Variants in ITGAL observed in about 807,000 individuals in gnomAD.
ITGAL encodes the protein integrin alpha-L.
ITGAL carries 68 observed loss-of-function variants against 138.4 expected under a neutral mutation model. The observed-to-expected ratio is 0.49, with a 90% confidence interval of 0.40 to 0.60. The LOEUF (loss-of-function observed/expected upper bound fraction) is 0.60. Ranked by LOEUF, ITGAL falls within the 20% of genes least tolerant of loss-of-function variation. The pLI is 0.00. For missense variants in ITGAL, 1,256 were observed against 1,478.6 expected (o/e 0.85, Z 2.47); for synonymous variants, 561 against 584.3 (o/e 0.96, Z 0.57).
At chr16:30,517,204 C>T (rs1157078516) in intron 26 of ITGAL, 118 bp downstream of exon 26, 2 of 686,290 alleles carry the variant, frequency 2.9e-6, no homozygotes, top group African/African-American at 3.6e-5. Context: ...CAAATCCCAG[C>T]ACTTTGGGAG....
chr16:30,513,749 C>T (rs751268333), intron 24 of ITGAL, 22 bp from the exon 25 acceptor site: 22 of 1,599,564 alleles, frequency 1.4e-5, no homozygotes, highest in Non-Finnish European at 1.9e-5. Context: ...GTTCTTCCAT[C>T]GCTGCCCTTC....
chr16:30,494,821 G>C lies in ITGAL; in HGVS notation c.1474G>C (p.Gly492Arg). 6.2e-7 allele frequency: 1 copy of C among 1,606,712 alleles called. No homozygotes were observed. The highest frequency in any genetic ancestry group is 8.5e-7 in the Non-Finnish European group (1 of 1,174,752). The change falls in exon 13 of 31, where the codon GGC becomes CGC. Residue 492 changes from glycine to arginine, a missense_variant. Around this residue, in one of 3 missense-constraint regions of ITGAL, gnomAD observed 867 missense variants for 972.5 expected, o/e 0.89. Transcript: ENST00000356798. This position sits in a 1 kb window ranked among gnomAD's most constrained non-coding sequence, Gnocchi z 4.2. Reference sequence around the variant, plus strand: ...ACTGTTCTATGGGGAGCAGAGAGGAGGCCGGGTGTTTATCTACCAGAGAAG... The same window carrying C: ...ACTGTTCTATGGGGAGCAGAGAGGACGCCGGGTGTTTATCTACCAGAGAAG... ...APLFYGEQRGGRVFIYQRRQL... is the reference protein window; with the variant it reads ...APLFYGEQRGRRVFIYQRRQL...
In ITGAL at chr16:30,484,255, T is replaced by C; in HGVS notation, c.998T>C (p.Val333Ala). The change falls in exon 9 of 31, where the codon GTC (valine) becomes GCC (alanine). Residue 333 changes from valine to alanine, a missense_variant. This residue lies in a region of ITGAL where 177 missense variants were observed against 288.8 expected (regional missense o/e 0.61). Transcript: ENST00000356798. ...ACTGAGCTGCAGAAGAAGATCTATG[T>C]CATTGAGGGTGAGTGGCAGGCCCTG... is the stretch of plus-strand genomic sequence containing the variant. ...LFTELQKKIY[V>A]IEGTSKQDLT... 1 of 1,612,818 alleles carries C rather than the reference T, an allele frequency of 6.2e-7. No homozygotes were observed. Among genetic ancestry groups the C allele is most frequent in the South Asian group, 1.1e-5 (1 of 91,050 alleles).
At chr16:30,503,436 AT>A (rs1436632913) in intron 17 of ITGAL, among the ~76,000 whole-genome samples, 1 of 109,816 alleles carries the variant, frequency 9.1e-6, no homozygotes, top group Non-Finnish European at 1.8e-5. Flanking sequence ...TTTAGTTTTC[AT>A]TTTCTTTTTT....
chr16:30,499,574 A>C lies in ITGAL; in HGVS notation c.2145+85A>C. 3 of 1,329,766 alleles carry C rather than the reference A, an allele frequency of 2.3e-6. No homozygotes were observed. In the South Asian group the frequency reaches 3.8e-5, roughly 17 times the overall value. 82.4% of individuals were successfully genotyped at this position (1,329,766 alleles called of 1,614,324 possible). A position where few individuals can be genotyped will look rare whatever the true frequency, so the allele number is the denominator to read the frequency against. ...GTCACTGTCCAGTGGGTGACACGTC[A>C]CTTCCATCCCTCTGTGCTGTCACTT... On this transcript the variant is annotated intron_variant, in intron 17 of 30. Coordinates refer to ENST00000356798, the MANE Select transcript of ITGAL (RefSeq NM_002209.3).
intron 11 of ITGAL, among the ~76,000 whole-genome samples, chr16:30,492,345 G>C (rs900646656): frequency 1.3e-5 from 2 of 151,392 alleles, no homozygotes; most frequent in African/African-American, 4.9e-5. Context: ...CCACCTCCCA[G>C]GTTCAACTGA....
At position 30,519,840 on chromosome 16, in the gene ITGAL, C is replaced by T. The variant is rs1328693460; in HGVS notation, c.3229-17C>T. 6.4e-7 allele frequency: 1 copy of T among 1,572,068 alleles called. No individual in the cohort carries two copies. The highest frequency in any genetic ancestry group is 1.7e-5 in the Admixed American group (1 of 59,954). On this transcript the variant is annotated splice_polypyrimidine_tract_variant and intron_variant, in intron 29 of 30. Transcript: ENST00000356798. ...TGGAAAAGGCATTTTCCGGCACTCC[C>T]CTCCCCCTGCTCCCAGGTTGTCATG...
chr16:30,491,265 GTGGCA>G (rs1361947873), intron 11 of ITGAL, among the ~76,000 whole-genome samples: 1 of 151,678 alleles, frequency 6.6e-6, no homozygotes, highest in Admixed American at 6.6e-5. Flanking sequence ...GCCAGGCATG[GTGGCA>G]TGCACCTGTA....
At chr16:30,495,293 C>T (rs1270142265) in intron 13 of ITGAL, among the ~76,000 whole-genome samples, 4 of 151,772 alleles carry the variant, frequency 2.6e-5, no homozygotes, top group African/African-American at 9.7e-5. Flanking sequence ...CCAAAGTGTT[C>T]GGATTACAGG....
At chr16:30,492,882 T>A (rs1231198909) in intron 11 of ITGAL, among the ~76,000 whole-genome samples, 2 of 151,906 alleles carry the variant, frequency 1.3e-5, no homozygotes, top group East Asian at 3.9e-4. Flanking sequence ...TCAAGTTTCC[T>A]GCTTTATTTT....
intron 21 of ITGAL, among the ~76,000 whole-genome samples, chr16:30,507,367 G>A (rs1384158778): frequency 6.6e-6 from 1 of 151,448 alleles, no homozygotes; most frequent in Non-Finnish European, 1.5e-5. Flanking sequence ...GCTGAGGCAG[G>A]AGAATGGCAT....
In ITGAL at chr16:30,496,404, C is replaced by T. The variant is rs773763356; in HGVS notation, c.1702-32C>T. On this transcript the variant is annotated intron_variant, in intron 14 of 30. Transcript: ENST00000356798. The stretch of plus-strand genomic sequence containing the variant: ...TCCCTCCCTCCAACCTACCTCTCCT[C>T]AGCTTAGTGGCAATTTCTTTCTTGC... 9 of 1,613,922 alleles carry T rather than the reference C, an allele frequency of 5.6e-6. No individual in the cohort carries two copies. In the East Asian group the frequency reaches 1.8e-4, roughly 32 times the overall value.
At chr16:30,491,742 T>A (rs918775750) in intron 11 of ITGAL, among the ~76,000 whole-genome samples, 11 of 152,002 alleles carry the variant, frequency 7.2e-5, no homozygotes, top group African/African-American at 2.7e-4. Context: ...GCAATCCCCC[T>A]TCCTCAGCCT....
rs35691718 is a variant in ITGAL, at chr16:30,515,970, TA to T, written c.2863-987del. 9.3e-3 allele frequency among the ~76,000 whole-genome samples: 1,248 copies of T among 133,766 alleles called. 4 individuals are homozygous for T. Among genetic ancestry groups the T allele is most frequent in the African/African-American group, 0.015 (535 of 36,336 alleles). 87.8% of individuals were successfully genotyped at this position (133,766 alleles called of 152,430 possible). A position where few individuals can be genotyped will look rare whatever the true frequency, so the allele number is the denominator to read the frequency against. ...CTGGGTGACAGAGTGATATTCTGTC[TA>T]AAAAAAAAAAAAAAATCCTGTCCAT... On this transcript the variant is annotated intron_variant, in intron 25 of 30. Transcript: ENST00000356798.
Position 30,506,849 on chromosome 16 carries a change from T to C in ITGAL, c.2501T>C (p.Met834Thr). 6.2e-7 allele frequency: 1 copy of C among 1,613,892 alleles called. No homozygotes were observed. The highest frequency in any genetic ancestry group is 1.1e-5 in the South Asian group (1 of 91,076). Residue 834 changes from methionine to threonine, a missense_variant, in exon 21 of 31, where the codon ATG becomes ACG. This residue lies in a region of ITGAL where 867 missense variants were observed against 972.5 expected (regional missense o/e 0.89). Transcript: ENST00000356798. ...PPGLSFRKVEMLKPHSQIPVS... is the reference protein window; with the variant it reads ...PPGLSFRKVETLKPHSQIPVS... ...GGACTCTCCTTCCGCAAGGTGGAGA[T>C]GCTGAAGGTGGGTGAGAGGACAGCG...
At chr16:30,507,193 C>T (rs2051014431) in intron 21 of ITGAL, among the ~76,000 whole-genome samples, 2 of 152,100 alleles carry the variant, frequency 1.3e-5, no homozygotes, top group South Asian at 4.1e-4. Flanking sequence ...GGCGTGGTGG[C>T]TCACGCCTGT....
At chr16:30,501,229 TA>T (rs1408094826) in intron 17 of ITGAL, among the ~76,000 whole-genome samples, 1 of 152,122 alleles carries the variant, frequency 6.6e-6, no homozygotes, top group African/African-American at 2.4e-5. Context: ...ACTCTTTTCA[TA>T]CATTATATAT....
intron 4 of ITGAL, among the ~76,000 whole-genome samples, chr16:30,476,736 G>A (rs1355614344): frequency 1.3e-5 from 2 of 151,148 alleles, no homozygotes; most frequent in Non-Finnish European, 2.9e-5. Flanking sequence ...GAGTTCAAAC[G>A]ATTCTCCTGC....
At position 30,489,372 on chromosome 16, in the gene ITGAL, G is replaced by C; in HGVS notation, c.1199G>C (p.Arg400Thr). 1 of 1,614,194 alleles carries C rather than the reference G, an allele frequency of 6.2e-7. No individual in the cohort carries two copies. The highest frequency in any genetic ancestry group is 8.5e-7 in the Non-Finnish European group (1 of 1,180,036). The change falls in exon 11 of 31, where the codon AGA becomes ACA. Residue 400 changes from arginine (R) to threonine (T), a missense_variant. Transcript: ENST00000356798. ...AATGAACCATTGACACCAGAAGTGA[G>C]AGCAGGCTATTTGGGTGAGTACTTC... Reference protein sequence around the residue: ...IGNEPLTPEVRAGYLGYTVTW... With the variant: ...IGNEPLTPEVTAGYLGYTVTW...
Sources: gnomAD v4.1 joint callset for allele counts (sites outside exome capture counted in the v4.1 genomes callset) on GRCh38, gnomAD v4.1.1 for gene constraint, gnomAD v4.1.1 regional missense constraint, Gnocchi (gnomAD v3.1) non-coding constraint, MANE v1.5 for transcripts, NCBI Gene and HGNC (gene_info 2026-07-23, HGNC 2026-07-21) for gene names.